The following FOXJ2 variants were observed in gnomAD, a reference collection of about 807,000 sequenced individuals.
FOXJ2 encodes forkhead box J2, also known as forkhead box protein J2.
In FOXJ2, 18 loss-of-function variants were observed where a neutral mutation model predicts 68.4. That is an observed-to-expected ratio of 0.26 (90% CI 0.18 to 0.39). The LOEUF is 0.39. FOXJ2 is among the 10% of genes least tolerant of loss of function. The pLI, the probability that FOXJ2 is intolerant of heterozygous loss-of-function variation, is 1.00. For missense variants in FOXJ2, 670 were observed against 726.5 expected (o/e 0.92, Z 0.89); for synonymous variants, 274 against 263.2 (o/e 1.04, Z -0.40).
rs1455910636 is a variant in FOXJ2 at position 8,054,496 on chromosome 12, T to C, written c.*1646T>C. The C allele has an allele frequency of 6.6e-6, 1 of 152,604 alleles. No individual in the cohort carries two copies. The highest frequency in any genetic ancestry group is 1.5e-5 in the Non-Finnish European group (1 of 68,044). 9.5% of individuals were successfully genotyped at this position (152,604 alleles called of 1,614,324 possible). ...GGCGTTCCGCTCTCCTGCTTTTTTC[T>C]TTCATCCACCCCTTTCCTTTTTTTG... On this transcript the variant is annotated 3_prime_UTR_variant, in exon 11 of 11. Transcript: ENST00000162391.
At chr12:8,042,834 T>C in intron 3 of FOXJ2, 102 bp downstream of exon 3, 1 of 943,982 alleles carries the variant, frequency 1.1e-6, no homozygotes, top group Non-Finnish European at 1.7e-6. Context: ...GAAGAGGAAA[T>C]CATGCTAATT....
In FOXJ2 at chr12:8,040,112, C is replaced by T. The variant is rs201952649; in HGVS notation, c.280C>T (p.Arg94Cys). ...GAAGATGACCCTCAGCGAGATTTAC[C>T]GCTGGATCTGTGATAACTTCCCCTA... ...AKKMTLSEIY[R>C]WICDNFPYYK... Residue 94 changes from arginine to cysteine, a missense_variant, in exon 2 of 11, where the codon CGC (arginine) becomes TGC (cysteine). Around this residue, in one of 2 missense-constraint regions of FOXJ2, gnomAD observed 115 missense variants for 164.3 expected, o/e 0.70. Transcript: ENST00000162391. This position sits in a 1 kb window ranked among gnomAD's most constrained non-coding sequence, Gnocchi z 4.0. 5.6e-5 allele frequency: 90 copies of T among 1,614,024 alleles called. No individual in the cohort carries two copies. Among genetic ancestry groups the T allele is most frequent in the Admixed American group, 8.3e-5 (5 of 59,992 alleles).
In FOXJ2 at chr12:8,048,184, G is replaced by A. The variant is rs139348976; in HGVS notation, c.1120G>A (p.Gly374Ser). The A allele has an allele frequency of 3.7e-6, 6 of 1,613,774 alleles. No homozygotes were observed. The African/African-American group carries it at 8.0e-5, about 22-fold the overall frequency. Reference protein sequence around the residue: ...AMHPPPLQHGGYHPHQHHPHS... With the variant: ...AMHPPPLQHGSYHPHQHHPHS... ...GCATCCACCCCCGCTGCAGCATGGAGGCTACCACCCTCATCAGCACCATCC... is the reference window on the plus strand; with the variant it reads ...GCATCCACCCCCGCTGCAGCATGGAAGCTACCACCCTCATCAGCACCATCC... The change falls in exon 7 of 11, where the codon GGC (glycine) becomes AGC (serine). Residue 374 changes from glycine (G) to serine (S), a missense_variant. By Grantham distance (56) the Gly-to-Ser change is moderately conservative. Around this residue, in one of 2 missense-constraint regions of FOXJ2, gnomAD observed 555 missense variants for 562.2 expected, o/e 0.99. Coordinates refer to ENST00000162391, the MANE Select transcript of FOXJ2 (RefSeq NM_018416.3).
In FOXJ2 at chr12:8,033,286, G is replaced by C. The variant is rs1946858346; in HGVS notation, c.-562G>C. The C allele has an allele frequency of 6.1e-6, 1 of 164,302 alleles. No homozygotes were observed. Among genetic ancestry groups the C allele is most frequent in the Non-Finnish European group, 1.3e-5 (1 of 76,582 alleles). The allele number at this position is 164,302 out of a possible 1,614,324, so 10.2% of individuals were successfully genotyped here. ...AAAGAGAGACGGGGCTGTGCCTGTGGAGTAGGCACCCTCGGCCCACCACTA... is the reference window on the plus strand; with the variant it reads ...AAAGAGAGACGGGGCTGTGCCTGTGCAGTAGGCACCCTCGGCCCACCACTA... On this transcript the variant is annotated 5_prime_UTR_variant, in exon 1 of 11. Coordinates refer to ENST00000162391, the MANE Select transcript of FOXJ2 (RefSeq NM_018416.3).
chr12:8,048,843 G>GA, intron 8 of FOXJ2, 45 bp downstream of exon 8: 1 of 1,533,378 alleles, frequency 6.5e-7, no homozygotes, highest in Non-Finnish European at 9.0e-7. Context: ...CACTGTAAGG[G>GA]AAAACCCAGT....
intron 1 of FOXJ2, among the ~76,000 whole-genome samples, chr12:8,036,983 G>A (rs1430941858): frequency 1.3e-5 from 2 of 152,132 alleles, no homozygotes; most frequent in Non-Finnish European, 2.9e-5. Flanking sequence ...CAGCTACTCG[G>A]GAGGCTGAGA....
At chr12:8,034,317 C>T (rs1317661555) in intron 1 of FOXJ2, among the ~76,000 whole-genome samples, 1 of 152,176 alleles carries the variant, frequency 6.6e-6, no homozygotes, top group Non-Finnish European at 1.5e-5. Flanking sequence ...GAGGTGTTCC[C>T]TCCAGCTTAC....
chr12:8,035,786 G>A lies in FOXJ2; in HGVS notation c.-15+1953G>A, dbSNP rs1459637579. Among the ~76,000 whole-genome samples, 1 of 152,110 alleles carries A rather than the reference G, an allele frequency of 6.6e-6. No homozygotes were observed. The highest frequency in any genetic ancestry group is 2.4e-5 in the African/African-American group (1 of 41,406). ...GTGGTTTAGAGAGTGTGCTTTCCCA[G>A]ACCATGTCTTATGACTACACCTAGT... On this transcript the variant is annotated intron_variant, in intron 1 of 10. Transcript: ENST00000162391. This position sits in a 1 kb window ranked among gnomAD's most constrained non-coding sequence, Gnocchi z 4.0.
rs61753349 is a variant in FOXJ2, at chr12:8,048,170, C to G, written c.1106C>G (p.Pro369Arg). 2 of 1,613,936 alleles carry G rather than the reference C, an allele frequency of 1.2e-6. No individual in the cohort carries two copies. The highest frequency in any genetic ancestry group is 1.7e-6 in the Non-Finnish European group (2 of 1,179,924). The change falls in exon 7 of 11, where the codon CCG (proline) becomes CGG (arginine). Residue 369 changes from proline (P) to arginine (R), a missense_variant. Physicochemically the swap from Pro to Arg is moderately radical, Grantham distance 103 (BLOSUM62 -2). Around this residue, in one of 2 missense-constraint regions of FOXJ2, gnomAD observed 555 missense variants for 562.2 expected, o/e 0.99. Coordinates refer to ENST00000162391, the MANE Select transcript of FOXJ2 (RefSeq NM_018416.3). ...PPPVMAMHPP[P>R]LQHGGYHPHQ... ...CCTGTAATGGCCATGCATCCACCCC[C>G]GCTGCAGCATGGAGGCTACCACCCT... is the stretch of plus-strand genomic sequence containing the variant.
rs756645153 is a variant in FOXJ2, at chr12:8,033,593, T to G, written c.-255T>G. On this transcript the variant is annotated 5_prime_UTR_variant, in exon 1 of 11. Coordinates refer to ENST00000162391, the MANE Select transcript of FOXJ2 (RefSeq NM_018416.3). ...CCTCCCCCGGGTAACAAGCAGGGTG[T>G]GGGGGGTGTGCCACCTTCCCCAAGT... 6.6e-4 allele frequency: 101 copies of G among 152,642 alleles called. No individual in the cohort carries two copies. The highest frequency in any genetic ancestry group is 9.2e-4 in the Non-Finnish European group (63 of 68,208). 9.5% of individuals were successfully genotyped at this position (152,642 alleles called of 1,614,324 possible). A position where few individuals can be genotyped will look rare whatever the true frequency, so the allele number is the denominator to read the frequency against.
chr12:8,043,240 A>AAAC (rs1946989464), intron 3 of FOXJ2, among the ~76,000 whole-genome samples: 1 of 147,590 alleles, frequency 6.8e-6, no homozygotes, highest in African/African-American at 2.5e-5. Flanking sequence ...AAAAAAAAAG[A>AAAC]CTGTGAAATC....
At chr12:8,049,275 G>T in intron 8 of FOXJ2, 87 bp from the exon 9 acceptor site, 1 of 971,988 alleles carries the variant, frequency 1.0e-6, no homozygotes, top group Non-Finnish European at 1.6e-6. Context: ...GTGATTGATG[G>T]TGTGTTTGGA....
chr12:8,050,492 A>C, intron 9 of FOXJ2, 30 bp from the exon 10 acceptor site: 1 of 1,601,366 alleles, frequency 6.2e-7, no homozygotes, highest in Non-Finnish European at 8.5e-7. Flanking sequence ...GCCCCCCCCA[A>C]CTCAAGTAAC....
In FOXJ2 at chr12:8,032,877, G is replaced by T; in HGVS notation, c.-971G>T. On this transcript the variant is annotated 5_prime_UTR_variant, in exon 1 of 11. Transcript: ENST00000162391. This position sits in a 1 kb window ranked among gnomAD's most constrained non-coding sequence, Gnocchi z 4.8. ...ACCCGACAGGACGGCCCTAGAGGAG[G>T]TGCTGCCGCCACAGTAGCAGGGACC... 2.5e-6 allele frequency: 1 copy of T among 398,428 alleles called. No homozygotes were observed. Among genetic ancestry groups the T allele is most frequent in the Non-Finnish European group, 4.4e-6 (1 of 226,008 alleles). The allele number at this position is 398,428 out of a possible 1,614,324, so 24.7% of individuals were successfully genotyped here.
rs1244795558 is a variant in FOXJ2, at chr12:8,055,468, T to A, written c.*2618T>A. 6.6e-6 allele frequency: 1 copy of A among 152,614 alleles called. No homozygotes were observed. The highest frequency in any genetic ancestry group is 1.5e-5 in the Non-Finnish European group (1 of 68,030). 9.5% of individuals were successfully genotyped at this position (152,614 alleles called of 1,614,324 possible). ...GGTCTCACAAGTTGTTGTCATTGTT[T>A]TTTTGCATGCTTTCTTAATAAAAAA... On this transcript the variant is annotated 3_prime_UTR_variant, in exon 11 of 11. Transcript: ENST00000162391.
At chr12:8,041,182 C>T (rs547379225) in intron 2 of FOXJ2, among the ~76,000 whole-genome samples, 7 of 151,930 alleles carry the variant, frequency 4.6e-5, no homozygotes, top group African/African-American at 1.4e-4. Context: ...ATTGAAAGCA[C>T]TCAGCTTTCT....
rs145233499 is a variant in FOXJ2 at position 8,048,284 on chromosome 12, G to C, written c.1220G>C (p.Gly407Ala). The change falls in exon 7 of 11, where the codon GGC becomes GCC. Residue 407 changes from glycine (G) to alanine (A), a missense_variant. Coordinates refer to ENST00000162391, the MANE Select transcript of FOXJ2 (RefSeq NM_018416.3). ...AQGQAPINNTGFAFPSDWCSN... is the reference protein window; with the variant it reads ...AQGQAPINNTAFAFPSDWCSN... ...GGCCAGGCTCCCATCAACAACACTG[G>C]CTTTGGTGAGTAAGGAGGGTGCACA... The C allele has an allele frequency of 1.8e-5, 28 of 1,563,504 alleles. No individual in the cohort carries two copies. The highest frequency in any genetic ancestry group is 2.4e-5 in the Non-Finnish European group (28 of 1,154,220).
rs766931080 is a variant in FOXJ2, at chr12:8,044,012, G to A, written c.539G>A (p.Ser180Asn). ...AGCCCACGGGGAGGCGTTGCAGGGA[G>A]TGGAGAAGCCTCACTGCCTCCTGAG... ...SKSPRGGVAG[S>N]GEASLPPEGN... Residue 180 changes from serine to asparagine, a missense_variant, in exon 5 of 11, where the codon AGT becomes AAT. Transcript: ENST00000162391. The A allele has an allele frequency of 2.5e-6, 4 of 1,591,362 alleles. No homozygotes were observed. Among genetic ancestry groups the A allele is most frequent in the Admixed American group, 1.8e-5 (1 of 55,338 alleles).
In FOXJ2 at chr12:8,055,380, G is replaced by T. The variant is rs1947175158; in HGVS notation, c.*2530G>T. 6.6e-6 allele frequency: 1 copy of T among 152,556 alleles called. No homozygotes were observed. The highest frequency in any genetic ancestry group is 1.5e-5 in the Non-Finnish European group (1 of 68,048). 9.5% of individuals were successfully genotyped at this position (152,556 alleles called of 1,614,324 possible). ...CCCTGCTCCTCATGTTTCTGGTTTGGTGAGTCCTTTGTGCCACCACCCATA... is the reference window on the plus strand; with the variant it reads ...CCCTGCTCCTCATGTTTCTGGTTTGTTGAGTCCTTTGTGCCACCACCCATA... On this transcript the variant is annotated 3_prime_UTR_variant, in exon 11 of 11. Transcript: ENST00000162391.
Sources: gnomAD v4.1 joint callset for allele counts (sites outside exome capture counted in the v4.1 genomes callset) on GRCh38, gnomAD v4.1.1 for gene constraint, gnomAD v4.1.1 regional missense constraint, Gnocchi (gnomAD v3.1) non-coding constraint, MANE v1.5 for transcripts, NCBI Gene and HGNC (gene_info 2026-07-23, HGNC 2026-07-21) for gene names.